Variants in RGS3 observed in about 807,000 individuals in gnomAD.
The protein encoded by RGS3 is regulator of G-protein signalling 3.
Under a neutral mutation model 132.6 loss-of-function variants are expected in RGS3, and 80 were observed. That is an observed-to-expected ratio of 0.60 (90% CI 0.50 to 0.73). The LOEUF is 0.73. RGS3 is among the 30% of genes least tolerant of loss of function. The probability of loss-of-function intolerance (pLI) is 0.00; values close to 1 mark genes in which losing one functional copy is unlikely to be tolerated. For synonymous variants in RGS3, 598 were observed against 620.6 expected (o/e 0.96, Z 0.54); for missense variants, 1,382 against 1,530.8 (o/e 0.90, Z 1.62).
At chr9:113,594,029 T>C (rs749906785) in intron 21 of RGS3, 15 of 1,612,846 alleles carry the variant, frequency 9.3e-6, no homozygotes, top group East Asian at 4.5e-5. Flanking sequence ...CCTCTCAGGG[T>C]TGGCCAGAAG....
intron 5 of RGS3, 146 bp from the exon 4 acceptor site, chr9:113,483,992 T>A: frequency 2.0e-6 from 1 of 506,268 alleles, no homozygotes; most frequent in Non-Finnish European, 3.5e-6. Context: ...CCTTGCAGCA[T>A]CTGACAGGGG....
chr9:113,501,473 C>T, intron 10 of RGS3: 1 of 1,507,812 alleles, frequency 6.6e-7, no homozygotes, highest in Non-Finnish European at 8.9e-7. Context: ...GTGGGGCGGG[C>T]TTCCCAGGGT....
chr9:113,568,479 G>T (rs1401914833), intron 19 of RGS3, among the ~76,000 whole-genome samples: 5 of 152,178 alleles, frequency 3.3e-5, no homozygotes, highest in African/African-American at 4.8e-5. Context: ...ACCAAGTACT[G>T]CCAGGTGCCT....
At chr9:113,546,487 G>C (rs1052159349) in intron 19 of RGS3, among the ~76,000 whole-genome samples, 1 of 152,194 alleles carries the variant, frequency 6.6e-6, no homozygotes, top group African/African-American at 2.4e-5. Context: ...TTGTAGGATT[G>C]AATTAGGCTG....
chr9:113,557,160 C>G (rs1833601472), intron 19 of RGS3, among the ~76,000 whole-genome samples: 2 of 152,232 alleles, frequency 1.3e-5, no homozygotes, highest in African/African-American at 4.8e-5. Flanking sequence ...TACCCAGCTT[C>G]CAGGAGTAAA....
intron 3 of RGS3, among the ~76,000 whole-genome samples, chr9:113,475,557 C>T (rs929713153): frequency 3.9e-5 from 6 of 152,084 alleles, no homozygotes; most frequent in African/African-American, 1.4e-4. Context: ...AGGCACGCAC[C>T]ACGGTGCCCG....
chr9:113,520,605 T>A (rs891178281), intron 16 of RGS3, among the ~76,000 whole-genome samples: 1 of 150,684 alleles, frequency 6.6e-6, no homozygotes, highest in African/African-American at 2.4e-5. Context: ...CTCCAGCCCT[T>A]CCCCTGCCAG....
rs746765883 is a variant in RGS3 at position 113,505,483 on chromosome 9, C to T, written c.939C>T (p.Ile313=). Residue 313 remains isoleucine, a synonymous_variant, in exon 11 of 25, where the codon ATC becomes ATT. Coordinates refer to ENST00000350696, the Ensembl canonical transcript of RGS3. Reference sequence around the variant, plus strand: ...GAAAGGACGGCTTTGGCTTCACCATCTGCTGCGACTCTCCAGTTCGAGTCC... The same window carrying T: ...GAAAGGACGGCTTTGGCTTCACCATTTGCTGCGACTCTCCAGTTCGAGTCC... 3.1e-6 allele frequency: 5 copies of T among 1,614,172 alleles called. No homozygotes were observed. The East Asian group carries it at 1.1e-4, about 36-fold the overall frequency.
chr9:113,464,882 C>T (rs914545913), intron 3 of RGS3, among the ~76,000 whole-genome samples: 1 of 152,216 alleles, frequency 6.6e-6, no homozygotes, highest in African/African-American at 2.4e-5. Context: ...AGGCTTACTC[C>T]TGCTCAACAT....
intron 17 of RGS3, among the ~76,000 whole-genome samples, chr9:113,524,860 G>A (rs1231829363): frequency 2.0e-5 from 3 of 152,228 alleles, no homozygotes; most frequent in East Asian, 3.9e-4. Flanking sequence ...GAGGCCCCAG[G>A]CCCCAGACTT....
At chr9:113,451,238 G>A (rs1214063208) in intron 1 of RGS3, among the ~76,000 whole-genome samples, 1 of 150,934 alleles carries the variant, frequency 6.6e-6, no homozygotes. Context: ...GAAAGAATCT[G>A]GAAGCAAAGG....
Position 113,487,381 on chromosome 9 carries a change from G to T in RGS3, c.689+1688G>T, listed in dbSNP as rs955498550. 7.2e-5 allele frequency among the ~76,000 whole-genome samples: 11 copies of T among 152,220 alleles called. 1 individual carries two copies. The highest frequency in any genetic ancestry group is 3.4e-3 in the Middle Eastern group (1 of 294). On this transcript the variant is annotated intron_variant, in intron 7 of 24. Transcript: ENST00000350696. ...CCGCCTCGGCCTCCCAAAGTGCTGG[G>T]ATTACAGGCGTGAGCCACCGCGCCC...
chr9:113,592,238 A>T (rs1835474627), intron 21 of RGS3: 1 of 152,258 alleles, frequency 6.6e-6, no homozygotes, highest in Non-Finnish European at 1.5e-5. Context: ...GGCTTCTCTT[A>T]CTCCACAGCC....
chr9:113,595,901 G>C, intron 24 of RGS3, 136 bp downstream of exon 22: 2 of 940,094 alleles, frequency 2.1e-6, no homozygotes, highest in South Asian at 1.7e-5. Flanking sequence ...CAGCAGGGAA[G>C]ATGCAAGCTA....
At chr9:113,515,820 A>T (rs1423419038) in intron 15 of RGS3, among the ~76,000 whole-genome samples, 1 of 152,120 alleles carries the variant, frequency 6.6e-6, no homozygotes, top group Non-Finnish European at 1.5e-5. Flanking sequence ...CACACCACTA[A>T]ATGCTCTGTG....
At chr9:113,575,929 G>A (rs7875727) in intron 19 of RGS3, among the ~76,000 whole-genome samples, 120,896 of 152,110 alleles carry the variant, frequency 0.79, 48,241 homozygotes, top group East Asian at 0.95. Context: ...TCCTATTAAA[G>A]TGCAGGTTCC....
chr9:113,483,983 C>T (rs976328847), intron 5 of RGS3, among the ~76,000 whole-genome samples, 155 bp from the exon 4 acceptor site: 6 of 152,116 alleles, frequency 3.9e-5, no homozygotes, highest in East Asian at 1.9e-4. Context: ...TCCTTGTTCC[C>T]TTGCAGCATC....
Position 113,484,129 on chromosome 9 carries a change from C to T in RGS3, c.526-9C>T, listed in dbSNP as rs1232727460. The T allele has an allele frequency of 6.3e-7, 1 of 1,575,102 alleles. No individual in the cohort carries two copies. Among genetic ancestry groups the T allele is most frequent in the South Asian group, 1.1e-5 (1 of 90,136 alleles). ...TCCGCTAATCATGCTTCCTTTTTTCCAATTCAAGATTTCTTTGATCCCTGA... is the reference window on the plus strand; with the variant it reads ...TCCGCTAATCATGCTTCCTTTTTTCTAATTCAAGATTTCTTTGATCCCTGA... On this transcript the variant is annotated splice_polypyrimidine_tract_variant and intron_variant, in intron 5 of 24. Transcript: ENST00000350696.
At chr9:113,479,524 G>T (rs763284548) in exon 4 of RGS3, 6 of 1,614,182 alleles carry the variant, frequency 3.7e-6, no homozygotes, top group Non-Finnish European at 5.1e-6. Flanking sequence ...GCCCAGGACC[G>T]GGTTCTGCTG....
Sources: allele counts gnomAD v4.1 joint callset (sites outside exome capture counted in the v4.1 genomes callset), GRCh38; gene constraint gnomAD v4.1.1; transcripts MANE v1.5; gene names NCBI Gene and HGNC (gene_info 2026-07-23, HGNC 2026-07-21).